The following TEAD1 variants were observed in gnomAD, a reference collection of about 807,000 sequenced individuals.
TEAD1 encodes the protein TEA domain transcription factor 1.
A neutral mutation model predicts 54.9 loss-of-function variants in TEAD1; 9 were observed. That is an observed-to-expected ratio of 0.16 (90% CI 0.10 to 0.29). The LOEUF is 0.29. Among genes scored for constraint, TEAD1 ranks in the 10% least tolerant of loss-of-function variants. The pLI is 1.00. For missense variants in TEAD1, 387 were observed against 535.9 expected (o/e 0.72, Z 2.74); for synonymous variants, 200 against 187.8 (o/e 1.07, Z -0.53).
At chr11:12,935,671 G>A (rs1345601011) in intron 12 of TEAD1, among the ~76,000 whole-genome samples, 1 of 152,036 alleles carries the variant, frequency 6.6e-6, no homozygotes, top group Non-Finnish European at 1.5e-5. Context: ...TGTTGGCCAG[G>A]CGGGTCTCGA....
At chr11:12,866,578 A>T (rs964769672) in intron 5 of TEAD1, among the ~76,000 whole-genome samples, 19 of 152,212 alleles carry the variant, frequency 1.2e-4, no homozygotes, top group Non-Finnish European at 2.1e-4. Context: ...CTAAAAAAAA[A>T]TTAACAATAA....
chr11:12,939,250 G>A lies in TEAD1; in HGVS notation c.*2028G>A, dbSNP rs1380176248. On this transcript the variant is annotated 3_prime_UTR_variant, in exon 13 of 13. Coordinates refer to ENST00000527636, the MANE Select transcript of TEAD1 (RefSeq NM_021961.6). ...GCTGGCCTGTGAAGGATTGCCCCAG[G>A]TGTCCCCTTTCACGGTTGTCACATT... is the stretch of plus-strand genomic sequence containing the variant. 6.6e-6 allele frequency: 1 copy of A among 152,296 alleles called. No homozygotes were observed. The highest frequency in any genetic ancestry group is 1.9e-4 in the East Asian group (1 of 5,194). 9.4% of individuals were successfully genotyped at this position (152,296 alleles called of 1,614,324 possible). A position where few individuals can be genotyped will look rare whatever the true frequency, so the allele number is the denominator to read the frequency against.
intron 2 of TEAD1, among the ~76,000 whole-genome samples, chr11:12,719,006 G>A (rs113606049): frequency 2.1e-4 from 31 of 145,342 alleles, no homozygotes; most frequent in South Asian, 8.4e-4. Flanking sequence ...TTTTTTTTAG[G>A]GGGGGGAGTC....
intron 2 of TEAD1, among the ~76,000 whole-genome samples, chr11:12,705,872 G>T (rs1189989533): frequency 1.3e-5 from 2 of 152,164 alleles, no homozygotes; most frequent in Non-Finnish European, 2.9e-5. Flanking sequence ...TTCAAATGAG[G>T]TGATAAATTA....
intron 3 of TEAD1, among the ~76,000 whole-genome samples, chr11:12,809,320 C>A (rs576279213): frequency 6.6e-6 from 1 of 152,216 alleles, no homozygotes; most frequent in East Asian, 1.9e-4. Context: ...AGTGATAGAG[C>A]CTTTATTTCC....
At chr11:12,883,307 T>C (rs1251563842) in intron 9 of TEAD1, among the ~76,000 whole-genome samples, 182 bp downstream of exon 9, 2 of 152,184 alleles carry the variant, frequency 1.3e-5, no homozygotes. Context: ...ATTGGCAGAT[T>C]TGTAGAAAAC....
At chr11:12,788,674 G>T (rs772476545) in intron 3 of TEAD1, among the ~76,000 whole-genome samples, 3 of 152,354 alleles carry the variant, frequency 2.0e-5, no homozygotes, top group Non-Finnish European at 4.4e-5. Context: ...GAACAAAGCA[G>T]ACTTTTTAAA....
At position 12,879,850 on chromosome 11, in the gene TEAD1, A is replaced by C. The variant is rs199752430; in HGVS notation, c.465+8A>C. 6.2e-7 allele frequency: 1 copy of C among 1,612,828 alleles called. No homozygotes were observed. Among genetic ancestry groups the C allele is most frequent in the Non-Finnish European group, 8.5e-7 (1 of 1,180,042 alleles). On this transcript the variant is annotated splice_region_variant and intron_variant, in intron 6 of 12. Transcript: ENST00000527636. ...TTCCCAGGGGCGCCGGGGGTAAGTC[A>C]TGAGCTCAGTCCAGTAATGACAGCT...
At chr11:12,713,874 A>C (rs1241230414) in intron 2 of TEAD1, among the ~76,000 whole-genome samples, 2 of 152,138 alleles carry the variant, frequency 1.3e-5, no homozygotes, top group South Asian at 4.2e-4. Flanking sequence ...CTAATGTCCC[A>C]ATATATTTGT....
In TEAD1 at chr11:12,850,891, AG is replaced by A. The variant is rs532619666; in HGVS notation, c.203-11356del. 7.2e-5 allele frequency among the ~76,000 whole-genome samples: 11 copies of A among 152,334 alleles called. No individual in the cohort carries two copies. The South Asian group carries it at 2.3e-3, about 32-fold the overall frequency. ...GGGGAAGTGGCAGGGACATGGGTATAGGGCATGAAGAAGCAATGAGCATGCA... is the reference window on the plus strand; with the variant it reads ...GGGGAAGTGGCAGGGACATGGGTATAGGCATGAAGAAGCAATGAGCATGCA... On this transcript the variant is annotated intron_variant, in intron 3 of 12. Coordinates refer to ENST00000527636, the MANE Select transcript of TEAD1 (RefSeq NM_021961.6).
At chr11:12,680,802 TTCTG>T (rs961495740) in intron 2 of TEAD1, among the ~76,000 whole-genome samples, 15 of 152,342 alleles carry the variant, frequency 9.8e-5, no homozygotes, top group Non-Finnish European at 1.9e-4. Context: ...GCTGCTGGGT[TTCTG>T]TCTGATGGTG....
intron 3 of TEAD1, among the ~76,000 whole-genome samples, chr11:12,773,267 C>A (rs773797957): frequency 5.9e-5 from 9 of 152,224 alleles, no homozygotes; most frequent in Non-Finnish European, 1.2e-4. Context: ...ACTAAGTATT[C>A]ACTTACATGG....
chr11:12,712,605 A>G (rs1943963327), intron 2 of TEAD1, among the ~76,000 whole-genome samples: 1 of 152,224 alleles, frequency 6.6e-6, no homozygotes. Context: ...GAACAGATTA[A>G]GTACTTAAAT....
intron 2 of TEAD1, among the ~76,000 whole-genome samples, chr11:12,726,374 C>T (rs899494576): frequency 1.1e-4 from 16 of 152,110 alleles, no homozygotes; most frequent in African/African-American, 3.9e-4. Context: ...GCTTGGAGAC[C>T]GCAGATACTA....
chr11:12,852,293 G>C (rs1947292061), intron 3 of TEAD1, among the ~76,000 whole-genome samples: 1 of 152,142 alleles, frequency 6.6e-6, no homozygotes, highest in Non-Finnish European at 1.5e-5. Context: ...GGTATAGGAA[G>C]GCAACATAAC....
chr11:12,881,165 C>T (rs979304514), intron 7 of TEAD1, 114 bp downstream of exon 7: 3 of 1,203,398 alleles, frequency 2.5e-6, no homozygotes, highest in Non-Finnish European at 3.7e-6. Flanking sequence ...GAGCATTACA[C>T]TGAGGTCCCA....
chr11:12,917,131 G>A (rs1948728528), intron 10 of TEAD1, among the ~76,000 whole-genome samples: 1 of 152,124 alleles, frequency 6.6e-6, no homozygotes, highest in Non-Finnish European at 1.5e-5. Context: ...TATCTAAGTG[G>A]GCCTAGCATG....
chr11:12,714,851 C>A (rs1412550327), intron 2 of TEAD1, among the ~76,000 whole-genome samples: 1 of 152,172 alleles, frequency 6.6e-6, no homozygotes, highest in African/African-American at 2.4e-5. Context: ...ATGTCCCAGT[C>A]TCCTCTTGTA....
At chr11:12,730,036 A>G (rs1944387686) in intron 2 of TEAD1, among the ~76,000 whole-genome samples, 1 of 152,010 alleles carries the variant, frequency 6.6e-6, no homozygotes, top group South Asian at 2.1e-4. Context: ...ATAGGTGACC[A>G]CAACTTCCCT....
Sources: allele counts gnomAD v4.1 joint callset (sites outside exome capture counted in the v4.1 genomes callset), GRCh38; gene constraint gnomAD v4.1.1; transcripts MANE v1.5; gene names NCBI Gene and HGNC (gene_info 2026-07-23, HGNC 2026-07-21).